Variants in RALGAPA1 observed in about 807,000 individuals in gnomAD.
The protein encoded by RALGAPA1 is ral GTPase-activating protein subunit alpha-1.
RALGAPA1 carries 52 observed loss-of-function variants against 269.6 expected under a neutral mutation model. That is an observed-to-expected ratio of 0.19 (90% CI 0.15 to 0.24). The LOEUF (loss-of-function observed/expected upper bound fraction) is 0.24. Ranked by LOEUF, RALGAPA1 falls within the 10% of genes least tolerant of loss-of-function variation. The probability of loss-of-function intolerance (pLI) is 1.00; values close to 1 mark genes in which losing one functional copy is unlikely to be tolerated. For missense variants in RALGAPA1, 1,917 were observed against 3,013.9 expected, an observed-to-expected ratio of 0.64 and a Z score of 8.52; for synonymous variants, 817 against 1,008.3, an observed-to-expected ratio of 0.81 and a Z score of 3.60.
chr14:35,638,827 G>A (rs930068718), intron 31 of RALGAPA1, among the ~76,000 whole-genome samples: 1 of 152,118 alleles, frequency 6.6e-6, no homozygotes, highest in Admixed American at 6.6e-5. Flanking sequence ...TTGGAAGGCT[G>A]AGGCAGGTGA....
chr14:35,687,143 C>A (rs1261276962), intron 18 of RALGAPA1, among the ~76,000 whole-genome samples: 3 of 152,086 alleles, frequency 2.0e-5, no homozygotes, highest in Admixed American at 6.6e-5. Flanking sequence ...CTGTTTCTAT[C>A]CACTATAAAA....
chr14:35,539,699 A>C lies in RALGAPA1; in HGVS notation c.*24-9T>G. The C allele has an allele frequency of 6.2e-7, 1 of 1,613,616 alleles. No individual in the cohort carries two copies. On this transcript the variant is annotated splice_polypyrimidine_tract_variant and intron_variant, in intron 41 of 41. Coordinates refer to ENST00000680220, the MANE Select transcript of RALGAPA1 (RefSeq NM_001346249.2). ...AATCTCTGGGTAGGAGCCTGTAGGAAACAGCAAGAGCATTACTACAGTTAT... is the reference window on the plus strand; with the variant it reads ...AATCTCTGGGTAGGAGCCTGTAGGACACAGCAAGAGCATTACTACAGTTAT...
intron 1 of RALGAPA1, among the ~76,000 whole-genome samples, chr14:35,801,092 G>GA (rs2076937416): frequency 7.0e-6 from 1 of 143,240 alleles, no homozygotes. Flanking sequence ...CACACACACG[G>GA]AAAAATCAAT....
chr14:35,803,811 A>C (rs1330463406), intron 1 of RALGAPA1, among the ~76,000 whole-genome samples: 1 of 151,842 alleles, frequency 6.6e-6, no homozygotes, highest in Non-Finnish European at 1.5e-5. Context: ...TTTAGTAGAG[A>C]TGGGGTTTCA....
At chr14:35,796,812 G>A (rs1033549833) in intron 1 of RALGAPA1, among the ~76,000 whole-genome samples, 17 of 150,146 alleles carry the variant, frequency 1.1e-4, no homozygotes, top group Middle Eastern at 3.2e-3. Context: ...ATGGAGTCTC[G>A]CTCTGTTGCC....
intron 17 of RALGAPA1, among the ~76,000 whole-genome samples, chr14:35,699,506 A>G (rs151158815): frequency 4.7e-4 from 71 of 152,302 alleles, no homozygotes; most frequent in African/African-American, 1.7e-3. Flanking sequence ...CCGTGCCAGT[A>G]CTGGGGACCA....
At chr14:35,582,554 A>C (rs1454703340) in intron 37 of RALGAPA1, among the ~76,000 whole-genome samples, 3 of 152,176 alleles carry the variant, frequency 2.0e-5, no homozygotes, top group Admixed American at 1.3e-4. Context: ...CTGAACTAAA[A>C]TTGAACTGCT....
chr14:35,619,163 TG>T (rs1321420456), intron 35 of RALGAPA1, among the ~76,000 whole-genome samples: 1 of 151,992 alleles, frequency 6.6e-6, no homozygotes, highest in East Asian at 1.9e-4. Context: ...TACACAAAAA[TG>T]ATAGACAAAT....
intron 8 of RALGAPA1, among the ~76,000 whole-genome samples, chr14:35,751,808 AC>A (rs769450937): frequency 5.7e-4 from 65 of 113,768 alleles, no homozygotes; most frequent in African/African-American, 1.8e-3. Flanking sequence ...AACAACAACA[AC>A]AACAAAAAAA....
At chr14:35,716,077 A>T in intron 16 of RALGAPA1, 1 of 984,990 alleles carries the variant, frequency 1.0e-6, no homozygotes, top group South Asian at 4.7e-5. Flanking sequence ...ATTTTTTATT[A>T]AGAAAATTTT....
chr14:35,569,635 T>C (rs1055567197), intron 39 of RALGAPA1, among the ~76,000 whole-genome samples: 2 of 152,148 alleles, frequency 1.3e-5, no homozygotes, highest in African/African-American at 2.4e-5. Context: ...CATACCTCCA[T>C]GTCTCTGATT....
intron 22 of RALGAPA1, chr14:35,676,549 T>C (rs1419255674): frequency 6.6e-6 from 1 of 152,170 alleles, no homozygotes; most frequent in Non-Finnish European, 1.5e-5. Context: ...CGGTGTGGGG[T>C]AGCTATAAAG....
chr14:35,721,266 A>C (rs2069388269), intron 16 of RALGAPA1, among the ~76,000 whole-genome samples: 1 of 152,204 alleles, frequency 6.6e-6, no homozygotes, highest in South Asian at 2.1e-4. Flanking sequence ...AGAAAATGAG[A>C]TTCTTGTTGG....
intron 37 of RALGAPA1, among the ~76,000 whole-genome samples, chr14:35,576,826 G>T (rs1372831308): frequency 6.6e-6 from 1 of 152,118 alleles, no homozygotes; most frequent in Non-Finnish European, 1.5e-5. Context: ...AGGCAGGCTG[G>T]TTCTAGAACC....
chr14:35,657,728 C>A (rs551843017), intron 28 of RALGAPA1, among the ~76,000 whole-genome samples: 1 of 148,270 alleles, frequency 6.7e-6, no homozygotes, highest in Non-Finnish European at 1.5e-5. Context: ...AAAAGATCTA[C>A]AGTCTTAAGC....
At position 35,556,723 on chromosome 14, in the gene RALGAPA1, C is replaced by T. The variant is rs551341731; in HGVS notation, c.7497-7489G>A. Among the ~76,000 whole-genome samples, 19 of 152,278 alleles carry T rather than the reference C, an allele frequency of 1.2e-4. 1 individual carries two copies. In the East Asian group the frequency reaches 2.3e-3, roughly 19 times the overall value. On this transcript the variant is annotated intron_variant, in intron 39 of 41. Transcript: ENST00000680220. Reference sequence around the variant, plus strand: ...TGCCAAGTCTATATTGTTTTCACTGCGTCTCAATTAGGAGACAGGCAGGAC... The same window carrying T: ...TGCCAAGTCTATATTGTTTTCACTGTGTCTCAATTAGGAGACAGGCAGGAC...
intron 30 of RALGAPA1, 136 bp from the exon 31 acceptor site, chr14:35,652,009 A>G: frequency 3.7e-6 from 2 of 542,924 alleles, no homozygotes; most frequent in South Asian, 4.4e-5. Flanking sequence ...TAACACTGTT[A>G]TTTCAAAGTA....
At chr14:35,680,096 C>T (rs1000427291) in intron 21 of RALGAPA1, among the ~76,000 whole-genome samples, 1 of 152,232 alleles carries the variant, frequency 6.6e-6, no homozygotes, top group Non-Finnish European at 1.5e-5. Flanking sequence ...AAGTACATGC[C>T]AAAGAGACAT....
chr14:35,769,857 T>A (rs1245775979), intron 4 of RALGAPA1, among the ~76,000 whole-genome samples: 1 of 152,172 alleles, frequency 6.6e-6, no homozygotes, highest in South Asian at 2.1e-4. Flanking sequence ...TGGTCTCACT[T>A]TTGAATTTTA....
Sources: gnomAD v4.1 joint callset for allele counts (sites outside exome capture counted in the v4.1 genomes callset) on GRCh38, gnomAD v4.1.1 for gene constraint, MANE v1.5 for transcripts, NCBI Gene and HGNC (gene_info 2026-07-23, HGNC 2026-07-21) for gene names.